CELF4: variants seen among roughly 807,000 people sequenced by gnomAD.
The protein encoded by CELF4 is CUGBP Elav-like family member 4.
CELF4 carries 18 observed loss-of-function variants against 59.9 expected under a neutral mutation model. The observed-to-expected ratio is 0.30, with a 90% CI of 0.21 to 0.45. CELF4 has a LOEUF of 0.45. Among genes scored for constraint, CELF4 ranks in the 20% least tolerant of loss-of-function variants. The probability of loss-of-function intolerance (pLI) is 1.00; values close to 1 mark genes in which losing one functional copy is unlikely to be tolerated. For synonymous variants in CELF4, 261 were observed against 267.1 expected (o/e 0.98, Z 0.22); for missense variants, 456 against 689.0 (o/e 0.66, Z 3.79).
chr18:37,272,893 T>C, intron 7 of CELF4, 123 bp downstream of exon 7: 2 of 964,440 alleles, frequency 2.1e-6, no homozygotes, highest in Non-Finnish European at 3.0e-6. Flanking sequence ...GCAAGTCCTC[T>C]CGGGCCCAGA....
chr18:37,482,670 T>A (rs2099871318), intron 2 of CELF4, among the ~76,000 whole-genome samples: 1 of 152,132 alleles, frequency 6.6e-6, no homozygotes, highest in South Asian at 2.1e-4. Context: ...AGGCCTCCAA[T>A]GAAGACATGT....
chr18:37,489,380 G>T (rs904448309), intron 1 of CELF4, among the ~76,000 whole-genome samples: 1 of 152,168 alleles, frequency 6.6e-6, no homozygotes, highest in African/African-American at 2.4e-5. Context: ...CCATCACAGG[G>T]TGCTGTGGAT....
At chr18:37,282,104 G>A (rs899799061) in intron 3 of CELF4, among the ~76,000 whole-genome samples, 8 of 152,160 alleles carry the variant, frequency 5.3e-5, no homozygotes, top group Non-Finnish European at 8.8e-5. Flanking sequence ...TTTTTAGCAC[G>A]TGCGTGGCAC....
intron 1 of CELF4, among the ~76,000 whole-genome samples, chr18:37,551,404 C>T (rs1178624494): frequency 1.3e-5 from 2 of 152,208 alleles, no homozygotes; most frequent in African/African-American, 4.8e-5. Flanking sequence ...AATGTCTGCT[C>T]AGGACGTTGC....
chr18:37,419,653 C>G (rs74848094), intron 2 of CELF4, among the ~76,000 whole-genome samples: 2,024 of 152,278 alleles, frequency 0.013, 19 homozygotes, highest in Middle Eastern at 0.024. Flanking sequence ...TGGCCTTCCT[C>G]TCCTGAGAGG....
chr18:37,464,311 C>G (rs1160071945), intron 2 of CELF4, among the ~76,000 whole-genome samples: 5 of 152,026 alleles, frequency 3.3e-5, no homozygotes, highest in African/African-American at 1.2e-4. Context: ...TAGATCGCAT[C>G]TGTACAGCCA....
At chr18:37,547,866 T>C (rs1022736548) in intron 1 of CELF4, among the ~76,000 whole-genome samples, 4 of 152,206 alleles carry the variant, frequency 2.6e-5, no homozygotes, top group Non-Finnish European at 5.9e-5. Context: ...AGGGTATGTA[T>C]CTGGGTCCGT....
intron 1 of CELF4, among the ~76,000 whole-genome samples, chr18:37,513,879 G>A (rs1338248615): frequency 6.6e-6 from 1 of 151,866 alleles, no homozygotes; most frequent in Admixed American, 6.6e-5. Flanking sequence ...TACCTCTCTT[G>A]TGTTGTCCTC....
intron 2 of CELF4, 148 bp from the exon 3 acceptor site, chr18:37,322,029 C>T (rs2097141354): frequency 1.8e-6 from 1 of 568,150 alleles, no homozygotes; most frequent in African/African-American, 1.9e-5. Flanking sequence ...AGCACACACA[C>T]CTTCACCAAA....
intron 1 of CELF4, among the ~76,000 whole-genome samples, chr18:37,531,436 G>C (rs533529411): frequency 6.6e-6 from 1 of 152,122 alleles, no homozygotes; most frequent in Non-Finnish European, 1.5e-5. Context: ...GAGGCTGCAC[G>C]GGGAAAACAA....
At chr18:37,357,235 G>A (rs79404592) in intron 2 of CELF4, among the ~76,000 whole-genome samples, 29,187 of 152,062 alleles carry the variant, frequency 0.19, 3,056 homozygotes, top group East Asian at 0.32. Context: ...AACAGCAAGC[G>A]AAAAGGCAAG....
At chr18:37,301,931 G>A (rs771449133) in intron 3 of CELF4, among the ~76,000 whole-genome samples, 36 of 152,030 alleles carry the variant, frequency 2.4e-4, no homozygotes, top group Non-Finnish European at 4.4e-4. Context: ...CCTTCCCCCT[G>A]CTCTACTGGC....
intron 1 of CELF4, among the ~76,000 whole-genome samples, chr18:37,522,296 T>C (rs1322284406): frequency 6.6e-6 from 1 of 152,154 alleles, no homozygotes; most frequent in East Asian, 1.9e-4. Context: ...ATAGTGACCA[T>C]GGTGAATTCT....
chr18:37,297,763 C>G (rs1314386544), intron 3 of CELF4, among the ~76,000 whole-genome samples: 1 of 152,342 alleles, frequency 6.6e-6, no homozygotes, highest in East Asian at 1.9e-4. Flanking sequence ...CTTTTTGGTT[C>G]TGCCTGTTCT....
chr18:37,278,317 G>GGTA (rs1342032033), intron 3 of CELF4, among the ~76,000 whole-genome samples: 3 of 152,190 alleles, frequency 2.0e-5, no homozygotes, highest in Non-Finnish European at 4.4e-5. Context: ...ACTTCCTCCA[G>GGTA]GTAGTCATGG....
chr18:37,507,772 G>T (rs2154604157), intron 1 of CELF4, among the ~76,000 whole-genome samples: 1 of 152,252 alleles, frequency 6.6e-6, no homozygotes, highest in Admixed American at 6.5e-5. Context: ...TCATCTCTCA[G>T]ACACACAGCC....
chr18:37,257,005 C>CT (rs750772875), intron 11 of CELF4, among the ~76,000 whole-genome samples: 1 of 152,068 alleles, frequency 6.6e-6, no homozygotes, highest in East Asian at 1.9e-4. Flanking sequence ...GGAGTCTGTC[C>CT]TTTTTTCAGG....
intron 6 of CELF4, chr18:37,273,919 G>A (rs1434037522): frequency 5.7e-6 from 6 of 1,055,276 alleles, no homozygotes; most frequent in Non-Finnish European, 5.7e-6. Context: ...GAGACCAGAA[G>A]GCCTGAAGTC....
rs1289647190 is a variant in CELF4 at position 37,254,408 on chromosome 18, G to GGCCGGGAGGGAGGC, written c.1334-484_1334-471dup. 2.4e-4 allele frequency among the ~76,000 whole-genome samples: 37 copies of GGCCGGGAGGGAGGC among 151,988 alleles called. No individual in the cohort carries two copies. The highest frequency in any genetic ancestry group is 8.2e-4 in the African/African-American group (34 of 41,506). On this transcript the variant is annotated intron_variant, in intron 11 of 12. Transcript: ENST00000420428. The surrounding 1 kb of genome is among the most constrained non-coding windows in gnomAD (Gnocchi z 5.1). ...CCTGGGGAGAGAGACGAGTGCGAGG[G>GGCCGGGAGGGAGGC]GCCGGGAGGGAGGCGCCGCCGAGAA...
Sources: allele counts gnomAD v4.1 joint callset (sites outside exome capture counted in the v4.1 genomes callset), GRCh38; gene constraint gnomAD v4.1.1; non-coding constraint Gnocchi (gnomAD v3.1); transcripts MANE v1.5; gene names NCBI Gene and HGNC (gene_info 2026-07-23, HGNC 2026-07-21).